The following TINAG variants were observed in gnomAD, a reference collection of about 807,000 sequenced individuals.
TINAG encodes the protein tubulointerstitial nephritis antigen.
TINAG carries 83 observed loss-of-function variants against 72.7 expected under a neutral mutation model. That is an observed-to-expected ratio of 1.14 (90% CI 0.96 to 1.37). TINAG has a LOEUF of 1.37. Ranked by LOEUF, TINAG falls within the 40% of genes most tolerant of loss-of-function variation. The pLI, the probability that TINAG is intolerant of heterozygous loss-of-function variation, is 0.00. For synonymous variants in TINAG, 234 were observed against 189.9 expected (o/e 1.23, Z -1.91); for missense variants, 685 against 576.6 (o/e 1.19, Z -1.93).
At chr6:54,336,982 G>T (rs1784879650) in intron 4 of TINAG, among the ~76,000 whole-genome samples, 1 of 151,910 alleles carries the variant, frequency 6.6e-6, no homozygotes, top group African/African-American at 2.4e-5. Context: ...TCTATAGTAT[G>T]TTGGAAGTTA....
chr6:54,342,916 C>A (rs550618459), intron 4 of TINAG, among the ~76,000 whole-genome samples: 3 of 152,174 alleles, frequency 2.0e-5, no homozygotes, highest in Non-Finnish European at 4.4e-5. Context: ...TGTGGTCTTC[C>A]TATGGATGAG....
intron 3 of TINAG, among the ~76,000 whole-genome samples, chr6:54,325,503 C>G (rs1784583052): frequency 6.6e-6 from 1 of 152,164 alleles, no homozygotes; most frequent in Non-Finnish European, 1.5e-5. Context: ...AGTACACACA[C>G]ACGTGCACAA....
intron 10 of TINAG, among the ~76,000 whole-genome samples, chr6:54,383,072 C>T (rs1215292983): frequency 6.6e-6 from 1 of 152,100 alleles, no homozygotes; most frequent in East Asian, 1.9e-4. Flanking sequence ...AGGACCTTGT[C>T]TCTGCTCTCT....
chr6:54,378,878 T>G (rs1763863163), intron 9 of TINAG, among the ~76,000 whole-genome samples: 1 of 152,030 alleles, frequency 6.6e-6, no homozygotes, highest in African/African-American at 2.4e-5. Flanking sequence ...CCAAATCACT[T>G]TTTCTTCCCT....
intron 9 of TINAG, among the ~76,000 whole-genome samples, chr6:54,373,283 T>G (rs1423222540): frequency 6.6e-6 from 1 of 152,098 alleles, no homozygotes; most frequent in East Asian, 1.9e-4. Flanking sequence ...CTTCCAAAAC[T>G]TTCACGATTT....
chr6:54,337,448 T>C (rs1784893550), intron 4 of TINAG, among the ~76,000 whole-genome samples: 1 of 152,026 alleles, frequency 6.6e-6, no homozygotes, highest in Admixed American at 6.6e-5. Flanking sequence ...GAGACAGGGT[T>C]TTGCCATGTT....
At chr6:54,344,423 A>G (rs1328472859) in intron 5 of TINAG, among the ~76,000 whole-genome samples, 3 of 152,134 alleles carry the variant, frequency 2.0e-5, no homozygotes, top group African/African-American at 7.2e-5. Context: ...AGGGACCCAC[A>G]TGGAGACCTT....
chr6:54,343,708 C>T (rs951152621), intron 5 of TINAG, among the ~76,000 whole-genome samples: 2 of 151,594 alleles, frequency 1.3e-5, no homozygotes, highest in Non-Finnish European at 2.9e-5. Context: ...TATAGACACA[C>T]CCACGTAATC....
chr6:54,317,422 T>A (rs894540170), intron 1 of TINAG, among the ~76,000 whole-genome samples: 1 of 152,090 alleles, frequency 6.6e-6, no homozygotes, highest in African/African-American at 2.4e-5. Context: ...GCTGTTCTTG[T>A]AGTAGTGAAT....
At chr6:54,340,878 A>C (rs1316844838) in intron 4 of TINAG, among the ~76,000 whole-genome samples, 1 of 152,160 alleles carries the variant, frequency 6.6e-6, no homozygotes, top group African/African-American at 2.4e-5. Context: ...ATTATGATTT[A>C]ACTTAAAGTG....
At chr6:54,353,321 G>T (rs1785310956) in intron 8 of TINAG, among the ~76,000 whole-genome samples, 2 of 151,848 alleles carry the variant, frequency 1.3e-5, no homozygotes, top group African/African-American at 4.8e-5. Context: ...TTTTATAAAT[G>T]GATAGAATGC....
chr6:54,349,410 A>T (rs1038844020), intron 6 of TINAG, among the ~76,000 whole-genome samples: 11 of 152,132 alleles, frequency 7.2e-5, no homozygotes, highest in African/African-American at 2.2e-4. Flanking sequence ...TCCCCTATTA[A>T]TATTACCACA....
chr6:54,371,931 A>G (rs1763621355), intron 9 of TINAG, among the ~76,000 whole-genome samples: 1 of 151,204 alleles, frequency 6.6e-6, no homozygotes, highest in Non-Finnish European at 1.5e-5. Flanking sequence ...TGGATTATAC[A>G]AAGTTTGAGA....
chr6:54,371,270 C>A (rs973077930), intron 9 of TINAG, among the ~76,000 whole-genome samples: 2 of 151,922 alleles, frequency 1.3e-5, no homozygotes, highest in African/African-American at 4.8e-5. Flanking sequence ...GTTCTGTCCT[C>A]GCTGGGTGAT....
At chr6:54,354,176 G>A (rs1163635342) in intron 8 of TINAG, among the ~76,000 whole-genome samples, 1 of 151,882 alleles carries the variant, frequency 6.6e-6, no homozygotes, top group Non-Finnish European at 1.5e-5. Flanking sequence ...AAAGCACAAG[G>A]TTAGTGGAGA....
At chr6:54,330,203 T>C (rs1338402878) in intron 4 of TINAG, among the ~76,000 whole-genome samples, 3 of 152,060 alleles carry the variant, frequency 2.0e-5, no homozygotes, top group East Asian at 3.9e-4. Context: ...TATTCTAAAA[T>C]TGAACACATA....
At chr6:54,374,625 T>C (rs1481783018) in intron 9 of TINAG, among the ~76,000 whole-genome samples, 1 of 152,122 alleles carries the variant, frequency 6.6e-6, no homozygotes, top group African/African-American at 2.4e-5. Context: ...CAGTTATCTT[T>C]CAAATCTTTG....
At chr6:54,373,769 T>C (rs796933475) in intron 9 of TINAG, among the ~76,000 whole-genome samples, 15 of 152,208 alleles carry the variant, frequency 9.9e-5, no homozygotes, top group African/African-American at 3.6e-4. Flanking sequence ...ACCCTTATAG[T>C]ATGCTATAAT....
intron 4 of TINAG, among the ~76,000 whole-genome samples, chr6:54,331,270 G>A (rs1412129283): frequency 1.3e-5 from 2 of 152,016 alleles, no homozygotes; most frequent in African/African-American, 2.4e-5. Flanking sequence ...TGACGAAGTC[G>A]GCTTCATCCC....
Sources: allele counts gnomAD v4.1 joint callset (sites outside exome capture counted in the v4.1 genomes callset), GRCh38; gene constraint gnomAD v4.1.1; transcripts MANE v1.5; gene names NCBI Gene and HGNC (gene_info 2026-07-23, HGNC 2026-07-21).